CHRM3: variants seen among roughly 807,000 people sequenced by gnomAD.
CHRM3 encodes the protein cholinergic receptor muscarinic 3.
Under a neutral mutation model 41.8 loss-of-function variants are expected in CHRM3, and 11 were observed. The observed-to-expected ratio is 0.26, with a 90% confidence interval of 0.17 to 0.44. CHRM3 has a LOEUF of 0.44. Ranked by LOEUF, CHRM3 falls within the 20% of genes least tolerant of loss-of-function variation. The pLI, the probability that CHRM3 is intolerant of heterozygous loss-of-function variation, is 1.00. For missense variants in CHRM3, 571 were observed against 745.4 expected (o/e 0.77, Z 2.72); for synonymous variants, 297 against 301.4 (o/e 0.99, Z 0.15).
intron 5 of CHRM3, among the ~76,000 whole-genome samples, chr1:239,713,716 T>A (rs1318181679): frequency 1.3e-5 from 2 of 152,194 alleles, no homozygotes; most frequent in Non-Finnish European, 2.9e-5. Context: ...GGTGACCACT[T>A]GTCCCAGTTT....
At chr1:239,732,305 A>T (rs1428391685) in intron 5 of CHRM3, among the ~76,000 whole-genome samples, 1 of 111,214 alleles carries the variant, frequency 9.0e-6, no homozygotes, top group Non-Finnish European at 1.9e-5. Context: ...TCTCACTTAG[A>T]TAAGTATACC....
chr1:239,737,377 C>T (rs554446603), intron 5 of CHRM3, among the ~76,000 whole-genome samples: 3 of 152,106 alleles, frequency 2.0e-5, no homozygotes, highest in African/African-American at 4.8e-5. Context: ...CTAAATCTAT[C>T]CTCAGTCATA....
At chr1:239,606,748 A>G (rs1666346047) in intron 3 of CHRM3, among the ~76,000 whole-genome samples, 2 of 152,224 alleles carry the variant, frequency 1.3e-5, no homozygotes, top group Admixed American at 1.3e-4. Flanking sequence ...TGTAGGCTAA[A>G]TAAAAAGCCT....
At chr1:239,865,500 G>A (rs1035708029) in intron 6 of CHRM3, among the ~76,000 whole-genome samples, 7 of 152,268 alleles carry the variant, frequency 4.6e-5, no homozygotes, top group African/African-American at 1.7e-4. Flanking sequence ...GCAGGAATTT[G>A]AAATTCAGTG....
At chr1:239,773,157 G>A (rs896864541) in intron 5 of CHRM3, among the ~76,000 whole-genome samples, 9 of 152,090 alleles carry the variant, frequency 5.9e-5, no homozygotes, top group Non-Finnish European at 7.4e-5. Flanking sequence ...ATCTAGGAAA[G>A]GGTTACTCAC....
At chr1:239,430,320 A>T (rs553906655) in intron 1 of CHRM3, among the ~76,000 whole-genome samples, 1 of 152,230 alleles carries the variant, frequency 6.6e-6, no homozygotes, top group South Asian at 2.1e-4. Context: ...GAAATATCGA[A>T]CTTTACACAT....
At chr1:239,413,980 G>A (rs970884186) in intron 1 of CHRM3, among the ~76,000 whole-genome samples, 2 of 152,198 alleles carry the variant, frequency 1.3e-5, no homozygotes, top group East Asian at 1.9e-4. Flanking sequence ...CAAGCATGAG[G>A]TGTTTGTTGA....
intron 6 of CHRM3, among the ~76,000 whole-genome samples, chr1:239,866,966 A>AAGGTCT (rs1435662662): frequency 7.9e-5 from 12 of 152,206 alleles, no homozygotes; most frequent in Non-Finnish European, 1.6e-4. Flanking sequence ...CACTGTTTCA[A>AAGGTCT]AGGTCTTAAC....
At chr1:239,641,690 G>A (rs1366840857) in intron 4 of CHRM3, among the ~76,000 whole-genome samples, 1 of 145,750 alleles carries the variant, frequency 6.9e-6, no homozygotes, top group African/African-American at 2.6e-5. Flanking sequence ...CCTGAATACA[G>A]CACACTGCTG....
In CHRM3 at chr1:239,817,713, C is replaced by T. The variant is rs75635442; in HGVS notation, c.-146-9539C>T. 8.8e-3 allele frequency among the ~76,000 whole-genome samples: 1,335 copies of T among 152,168 alleles called. 22 individuals carry two copies. Among genetic ancestry groups the T allele is most frequent in the African/African-American group, 0.03 (1,232 of 41,518 alleles). ...TGCTCCCTCTACACACACACACACT[C>T]GCACAGATCTCTAAGCTCAGACTTT... On this transcript the variant is annotated intron_variant, in intron 5 of 6. Transcript: ENST00000676153.
At chr1:239,556,572 C>G (rs1660374748) in intron 3 of CHRM3, among the ~76,000 whole-genome samples, 1 of 152,074 alleles carries the variant, frequency 6.6e-6, no homozygotes, top group Admixed American at 6.6e-5. Flanking sequence ...TAACAACCTG[C>G]AAAATGTAGC....
chr1:239,838,060 G>A lies in CHRM3; in HGVS notation c.-20+10682G>A, dbSNP rs186606431. ...AATATAAGGCTCAGAGAAAGATCGTGAGGGAAATTATATATGAATTGAATC... is the reference window on the plus strand; with the variant it reads ...AATATAAGGCTCAGAGAAAGATCGTAAGGGAAATTATATATGAATTGAATC... On this transcript the variant is annotated intron_variant, in intron 6 of 6. Coordinates refer to ENST00000676153, the MANE Select transcript of CHRM3 (RefSeq NM_001375978.1). Among the ~76,000 whole-genome samples the A allele has an allele frequency of 3.4e-4, 52 of 152,328 alleles. 1 individual carries two copies. Among genetic ancestry groups the A allele is most frequent in the Admixed American group, 3.0e-3 (46 of 15,304 alleles).
intron 3 of CHRM3, among the ~76,000 whole-genome samples, chr1:239,602,380 T>A (rs1016325717): frequency 6.6e-6 from 1 of 152,106 alleles, no homozygotes; most frequent in Non-Finnish European, 1.5e-5. Context: ...GAGTGAAATG[T>A]TGAATTCACA....
At chr1:239,682,379 A>C (rs1247154495) in intron 5 of CHRM3, among the ~76,000 whole-genome samples, 1 of 152,204 alleles carries the variant, frequency 6.6e-6, no homozygotes, top group Non-Finnish European at 1.5e-5. Flanking sequence ...AACTAATGTA[A>C]AGCACCATTT....
chr1:239,627,953 A>T (rs927602885), intron 3 of CHRM3, among the ~76,000 whole-genome samples: 8 of 135,282 alleles, frequency 5.9e-5, no homozygotes, highest in African/African-American at 2.3e-4. Context: ...CTTCATTTCA[A>T]CTTTGGTGAA....
rs10495445 is a variant in CHRM3 at position 239,748,862 on chromosome 1, G to A, written c.-147+70574G>A. ...TGCAGAGCAAGATAACTTGACCTTC[G>A]TATTAACTGGCTAGCTTTACTGAAG... On this transcript the variant is annotated intron_variant, in intron 5 of 6. Transcript: ENST00000676153. This position sits in a 1 kb window ranked among gnomAD's most constrained non-coding sequence, Gnocchi z 4.3. Among the ~76,000 whole-genome samples the A allele has an allele frequency of 0.078, 11,941 of 152,212 alleles. 1,257 individuals are homozygous for A. Among genetic ancestry groups the A allele is most frequent in the African/African-American group, 0.24 (9,978 of 41,498 alleles).
At chr1:239,763,591 A>C (rs2148670131) in intron 5 of CHRM3, among the ~76,000 whole-genome samples, 1 of 152,296 alleles carries the variant, frequency 6.6e-6, no homozygotes, top group Non-Finnish European at 1.5e-5. Context: ...AAAGCATCAA[A>C]GTGCTATGAA....
intron 4 of CHRM3, among the ~76,000 whole-genome samples, chr1:239,634,884 C>A (rs1670289707): frequency 6.6e-6 from 1 of 152,158 alleles, no homozygotes; most frequent in Admixed American, 6.5e-5. Context: ...AAAGCCATTT[C>A]ACCTCTCTGG....
intron 2 of CHRM3, among the ~76,000 whole-genome samples, chr1:239,502,408 C>T (rs1668297018): frequency 6.6e-6 from 1 of 151,848 alleles, no homozygotes; most frequent in African/African-American, 2.4e-5. Context: ...CTGAACAGAC[C>T]AATAACAAGC....
Sources: allele counts gnomAD v4.1 joint callset (sites outside exome capture counted in the v4.1 genomes callset), GRCh38; gene constraint gnomAD v4.1.1; non-coding constraint Gnocchi (gnomAD v3.1); transcripts MANE v1.5; gene names NCBI Gene and HGNC (gene_info 2026-07-23, HGNC 2026-07-21).